Variants in PPP3CA observed in about 807,000 individuals in gnomAD.
The protein encoded by PPP3CA is protein phosphatase 3 catalytic subunit alpha, also known as CAM-PRP catalytic subunit.
Under a neutral mutation model 66.5 loss-of-function variants are expected in PPP3CA, and 14 were observed. The observed-to-expected ratio is 0.21, with a 90% confidence interval of 0.14 to 0.33. The LOEUF is 0.33. PPP3CA is among the 10% of genes least tolerant of loss of function. The pLI is 1.00. For missense variants in PPP3CA, 317 were observed against 639.5 expected, an observed-to-expected ratio of 0.50 and a Z score of 5.44; for synonymous variants, 232 against 226.2, an observed-to-expected ratio of 1.03 and a Z score of -0.23.
chr4:101,252,568 T>G (rs185203034), intron 1 of PPP3CA, among the ~76,000 whole-genome samples: 1 of 152,290 alleles, frequency 6.6e-6, no homozygotes, highest in Admixed American at 6.5e-5. Context: ...TCCATGGTAA[T>G]GGTTTTTAAC....
In PPP3CA at chr4:101,065,702, T is replaced by C. The variant is rs947170816; in HGVS notation, c.956-2345A>G. Among the ~76,000 whole-genome samples, 8 of 152,224 alleles carry C rather than the reference T, an allele frequency of 5.3e-5. 1 individual carries two copies. Among genetic ancestry groups the C allele is most frequent in the Admixed American group, 3.3e-4 (5 of 15,264 alleles). On this transcript the variant is annotated intron_variant, in intron 8 of 13. Transcript: ENST00000394854. ...TGCTGTCTCTCATAAATTATAAATG[T>C]TTGAATTCTAGTCCTAGCTGTTATA... is the stretch of plus-strand genomic sequence containing the variant.
intron 1 of PPP3CA, among the ~76,000 whole-genome samples, chr4:101,243,710 G>C (rs527514494): frequency 6.6e-6 from 1 of 152,212 alleles, no homozygotes; most frequent in Admixed American, 6.5e-5. Context: ...GGAGGTCCTA[G>C]AACCAATCCC....
rs11312514 is a variant in PPP3CA at position 101,207,834 on chromosome 4, G to GA, written c.59-11719dup. Reference sequence around the variant, plus strand: ...AGCGAGACTCCGTCTAAACAAAAAAGAAAAAAAAAAAAGAGTAGCTAATAA... The same window carrying GA: ...AGCGAGACTCCGTCTAAACAAAAAAGAAAAAAAAAAAAAGAGTAGCTAATAA... On this transcript the variant is annotated intron_variant, in intron 1 of 13. Transcript: ENST00000394854. Among the ~76,000 whole-genome samples the GA allele has an allele frequency of 3.9e-3, 530 of 136,634 alleles. 1 individual carries two copies. The highest frequency in any genetic ancestry group is 6.4e-3 in the Non-Finnish European group (386 of 60,154). The allele number at this position is 136,634 out of a possible 152,430, so 89.6% of individuals were successfully genotyped here.
intron 2 of PPP3CA, among the ~76,000 whole-genome samples, chr4:101,116,698 A>G (rs1035175472): frequency 4.6e-5 from 7 of 151,926 alleles, no homozygotes; most frequent in African/African-American, 1.7e-4. Flanking sequence ...ATTTGCTTAT[A>G]TCTAGAAATC....
At chr4:101,041,151 A>G (rs1727495802) in intron 10 of PPP3CA, among the ~76,000 whole-genome samples, 1 of 152,154 alleles carries the variant, frequency 6.6e-6, no homozygotes, top group South Asian at 2.1e-4. Flanking sequence ...TAGAGAAAAG[A>G]GTAGAGAACT....
intron 1 of PPP3CA, among the ~76,000 whole-genome samples, chr4:101,241,660 T>C (rs868460467): frequency 1.3e-5 from 2 of 152,142 alleles, no homozygotes; most frequent in African/African-American, 4.8e-5. Flanking sequence ...CTTCCTGAGA[T>C]AGAATGTATT....
intron 1 of PPP3CA, among the ~76,000 whole-genome samples, chr4:101,235,422 AACATACACTCACACAC>A (rs1290089521): frequency 2.4e-5 from 2 of 82,922 alleles, no homozygotes; most frequent in South Asian, 3.3e-4. Context: ...TCAGAACCTA[AACATACACTCACACAC>A]ACACACACAC....
intron 1 of PPP3CA, among the ~76,000 whole-genome samples, chr4:101,309,388 T>C (rs1041578451): frequency 1.3e-5 from 2 of 152,074 alleles, no homozygotes; most frequent in Non-Finnish European, 2.9e-5. Flanking sequence ...ATAAGAAACA[T>C]AATCTTTCAG....
At chr4:101,052,545 C>T (rs1728058064) in intron 10 of PPP3CA, among the ~76,000 whole-genome samples, 1 of 151,258 alleles carries the variant, frequency 6.6e-6, no homozygotes, top group Non-Finnish European at 1.5e-5. Flanking sequence ...TTAAATTAGA[C>T]ACAAAAATAT....
At chr4:101,074,352 T>C (rs944957399) in intron 8 of PPP3CA, among the ~76,000 whole-genome samples, 3 of 152,088 alleles carry the variant, frequency 2.0e-5, no homozygotes, top group African/African-American at 7.3e-5. Context: ...ACCACAGGGG[T>C]AGCAGATATC....
chr4:101,240,477 T>TC (rs1449113679), intron 1 of PPP3CA, among the ~76,000 whole-genome samples: 2 of 152,094 alleles, frequency 1.3e-5, no homozygotes, highest in African/African-American at 4.8e-5. Flanking sequence ...GCAGTTTTGT[T>TC]CCCCCCACCC....
intron 5 of PPP3CA, among the ~76,000 whole-genome samples, chr4:101,094,738 C>T (rs1730117311): frequency 6.6e-6 from 1 of 152,026 alleles, no homozygotes; most frequent in Non-Finnish European, 1.5e-5. Context: ...ATTTAGAAGG[C>T]ATATTAGAAA....
intron 10 of PPP3CA, among the ~76,000 whole-genome samples, chr4:101,042,512 G>C (rs749618843): frequency 6.6e-6 from 1 of 152,194 alleles, no homozygotes; most frequent in Non-Finnish European, 1.5e-5. Context: ...GTGGGAGACA[G>C]CTGTTCTCAG....
At chr4:101,153,128 G>A (rs1289258171) in intron 2 of PPP3CA, among the ~76,000 whole-genome samples, 1 of 152,178 alleles carries the variant, frequency 6.6e-6, no homozygotes, top group Non-Finnish European at 1.5e-5. Flanking sequence ...GGGTGAAGTG[G>A]TAGGACGGTA....
At chr4:101,032,411 G>GAAA in intron 11 of PPP3CA, 47 bp from the exon 12 acceptor site, 1 of 1,473,128 alleles carries the variant, frequency 6.8e-7, no homozygotes, top group African/African-American at 1.4e-5. Flanking sequence ...TTTCTTTTGT[G>GAAA]AAAAAGAAAG....
At chr4:101,188,068 G>A (rs190074111) in intron 2 of PPP3CA, among the ~76,000 whole-genome samples, 1 of 152,220 alleles carries the variant, frequency 6.6e-6, no homozygotes, top group Non-Finnish European at 1.5e-5. Flanking sequence ...TCTTAAATTA[G>A]ATAGCACATT....
At chr4:101,133,355 A>T (rs572671033) in intron 2 of PPP3CA, among the ~76,000 whole-genome samples, 2 of 152,314 alleles carry the variant, frequency 1.3e-5, no homozygotes, top group South Asian at 4.1e-4. Flanking sequence ...AAAACACATC[A>T]TCTCAGCCCC....
chr4:101,147,460 A>T (rs1021147925), intron 2 of PPP3CA, among the ~76,000 whole-genome samples: 1 of 152,182 alleles, frequency 6.6e-6, no homozygotes, highest in African/African-American at 2.4e-5. Context: ...AGAATATCAA[A>T]GGGTACTAAC....
intron 2 of PPP3CA, among the ~76,000 whole-genome samples, chr4:101,150,899 G>A (rs909045609): frequency 6.6e-6 from 1 of 152,108 alleles, no homozygotes; most frequent in Non-Finnish European, 1.5e-5. Context: ...CCAGTCCTTA[G>A]GGGACATAAC....
Sources: allele counts gnomAD v4.1 joint callset (sites outside exome capture counted in the v4.1 genomes callset), GRCh38; gene constraint gnomAD v4.1.1; transcripts MANE v1.5; gene names NCBI Gene and HGNC (gene_info 2026-07-23, HGNC 2026-07-21).